Variants in KALRN observed in about 807,000 individuals in gnomAD.
KALRN encodes the protein kalirin RhoGEF kinase.
In KALRN, 70 loss-of-function variants were observed where a neutral mutation model predicts 353.7. The observed-to-expected ratio is 0.20, with a 90% CI of 0.16 to 0.24. The LOEUF (loss-of-function observed/expected upper bound fraction) is 0.24. Ranked by LOEUF, KALRN falls within the 10% of genes least tolerant of loss-of-function variation. KALRN has a pLI of 1.00. For synonymous variants in KALRN, 1,391 were observed against 1,434.8 expected, an observed-to-expected ratio of 0.97 and a Z score of 0.69; for missense variants, 2,791 against 3,756.7, an observed-to-expected ratio of 0.74 and a Z score of 6.72.
At chr3:124,458,953 AAG>A (rs1290156812) in intron 23 of KALRN, among the ~76,000 whole-genome samples, 1 of 152,188 alleles carries the variant, frequency 6.6e-6, no homozygotes, top group Non-Finnish European at 1.5e-5. Flanking sequence ...AAGAAAGGAA[AAG>A]AAAATCTTAT....
At chr3:124,219,223 T>G (rs2077637974) in intron 1 of KALRN, among the ~76,000 whole-genome samples, 1 of 152,146 alleles carries the variant, frequency 6.6e-6, no homozygotes, top group Non-Finnish European at 1.5e-5. Context: ...TCAATGAGCT[T>G]AGAGTCTAGC....
intron 32 of KALRN, among the ~76,000 whole-genome samples, chr3:124,494,894 G>A (rs1307952193): frequency 1.3e-5 from 2 of 152,174 alleles, no homozygotes; most frequent in Non-Finnish European, 2.9e-5. Context: ...AGCAGCATCA[G>A]GGTATCTTTT....
chr3:124,295,028 C>T (rs192459320), intron 5 of KALRN, among the ~76,000 whole-genome samples: 46 of 152,298 alleles, frequency 3.0e-4, no homozygotes, highest in South Asian at 1.2e-3. Flanking sequence ...TACATGCACA[C>T]GCATGCATTC....
chr3:124,546,133 T>C (rs115940496), intron 33 of KALRN, among the ~76,000 whole-genome samples: 1,636 of 152,218 alleles, frequency 0.011, 23 homozygotes, highest in African/African-American at 0.036. Context: ...TTGTCCTTTT[T>C]GTTGACAACT....
intron 12 of KALRN, 137 bp from the exon 13 acceptor site, chr3:124,398,560 T>G (rs1165741348): frequency 2.3e-6 from 2 of 856,168 alleles, no homozygotes; most frequent in African/African-American, 3.3e-5. Flanking sequence ...CAGCAGGAGT[T>G]TGATAAATGT....
Position 124,630,014 on chromosome 3 carries a change from C to A in KALRN, c.5183-2406C>A, listed in dbSNP as rs925206402. Among the ~76,000 whole-genome samples, 3 of 152,270 alleles carry A rather than the reference C, an allele frequency of 2.0e-5. No homozygotes were observed. In the East Asian group the frequency reaches 5.8e-4, roughly 29 times the overall value. ...GATGCTCCTGTGCAACTTTCGAATG[C>A]CCAGCTTTCTCAATACTGGTAGAAA... On this transcript the variant is annotated intron_variant, in intron 34 of 59. Transcript: ENST00000682506.
At chr3:124,239,164 G>T (rs1000794881) in intron 3 of KALRN, among the ~76,000 whole-genome samples, 2 of 152,172 alleles carry the variant, frequency 1.3e-5, no homozygotes, top group African/African-American at 4.8e-5. Context: ...AAAATACTCA[G>T]ATGTGATCAG....
chr3:124,554,238 T>G (rs969119800), intron 33 of KALRN, among the ~76,000 whole-genome samples: 1 of 152,180 alleles, frequency 6.6e-6, no homozygotes, highest in Non-Finnish European at 1.5e-5. Context: ...CGCCTGTAAT[T>G]CCAGCTACTT....
intron 34 of KALRN, among the ~76,000 whole-genome samples, chr3:124,620,007 G>A (rs1379926327): frequency 6.6e-6 from 1 of 151,322 alleles, no homozygotes; most frequent in Non-Finnish European, 1.5e-5. Flanking sequence ...TGAAAGGCCT[G>A]TATTTTATAC....
At chr3:124,365,522 A>G (rs2084571268) in intron 10 of KALRN, among the ~76,000 whole-genome samples, 1 of 152,190 alleles carries the variant, frequency 6.6e-6, no homozygotes, top group South Asian at 2.1e-4. Flanking sequence ...TACCTGAGGA[A>G]GGTGAGATAA....
chr3:124,433,392 C>G (rs1056384586), intron 16 of KALRN, among the ~76,000 whole-genome samples: 1 of 151,630 alleles, frequency 6.6e-6, no homozygotes, highest in African/African-American at 2.4e-5. Flanking sequence ...GAGTTTGAGA[C>G]CAGCCTGGGC....
intron 3 of KALRN, among the ~76,000 whole-genome samples, chr3:124,245,879 C>G (rs1470448560): frequency 2.0e-5 from 3 of 151,974 alleles, no homozygotes; most frequent in African/African-American, 7.2e-5. Flanking sequence ...ATTTTATGAA[C>G]CTTTTTTTAA....
At chr3:124,258,740 A>G (rs545614046) in intron 3 of KALRN, among the ~76,000 whole-genome samples, 5 of 152,338 alleles carry the variant, frequency 3.3e-5, no homozygotes, top group Non-Finnish European at 7.4e-5. Flanking sequence ...TCCAGACCAT[A>G]TATCAAATTG....
chr3:124,154,798 G>A (rs544473327), intron 1 of KALRN, among the ~76,000 whole-genome samples: 3,114 of 152,044 alleles, frequency 0.02, 95 homozygotes, highest in African/African-American at 0.071. Flanking sequence ...AGCCCGCATC[G>A]CCAAGTCAAT....
chr3:124,552,183 A>G (rs776569529), intron 33 of KALRN, among the ~76,000 whole-genome samples: 15 of 152,250 alleles, frequency 9.9e-5, no homozygotes, highest in Non-Finnish European at 1.8e-4. Context: ...GACAGTGACC[A>G]GGAGTATTTG....
chr3:124,664,514 G>A (rs528697139), intron 45 of KALRN, among the ~76,000 whole-genome samples: 7 of 151,830 alleles, frequency 4.6e-5, no homozygotes, highest in Admixed American at 3.3e-4. Context: ...GGGTTCAGGC[G>A]ATTCTCCTGC....
At chr3:124,296,268 C>A (rs969466475) in intron 5 of KALRN, among the ~76,000 whole-genome samples, 1 of 152,178 alleles carries the variant, frequency 6.6e-6, no homozygotes, top group Non-Finnish European at 1.5e-5. Context: ...ACGGAACATA[C>A]AATTTCCCAC....
intron 33 of KALRN, among the ~76,000 whole-genome samples, chr3:124,547,009 G>C (rs1178257255): frequency 6.6e-6 from 1 of 152,190 alleles, no homozygotes; most frequent in African/African-American, 2.4e-5. Context: ...CTTGAAGTCA[G>C]CCTTAAAGGA....
intron 15 of KALRN, among the ~76,000 whole-genome samples, chr3:124,427,539 C>T (rs1238273893): frequency 3.3e-5 from 5 of 152,252 alleles, no homozygotes; most frequent in Admixed American, 3.3e-4. Flanking sequence ...GCCTGCCCAG[C>T]TTAAATGGCA....
Sources: allele counts gnomAD v4.1 joint callset (sites outside exome capture counted in the v4.1 genomes callset), GRCh38; gene constraint gnomAD v4.1.1; transcripts MANE v1.5; gene names NCBI Gene and HGNC (gene_info 2026-07-23, HGNC 2026-07-21).